PRKCB: variants seen among roughly 807,000 people sequenced by gnomAD.
PRKCB encodes protein kinase C beta, also known as protein kinase C beta type.
PRKCB carries 13 observed loss-of-function variants against 81.5 expected under a neutral mutation model. The observed-to-expected ratio is 0.16, with a 90% CI of 0.10 to 0.25. The LOEUF (loss-of-function observed/expected upper bound fraction) is 0.25. PRKCB is among the 10% of genes least tolerant of loss of function. PRKCB has a pLI of 1.00. For synonymous variants in PRKCB, 335 were observed against 321.4 expected (o/e 1.04, Z -0.45); for missense variants, 509 against 875.7 (o/e 0.58, Z 5.29).
chr16:23,936,946 A>G (rs1295539182), intron 2 of PRKCB, among the ~76,000 whole-genome samples: 1 of 152,140 alleles, frequency 6.6e-6, no homozygotes, highest in Admixed American at 6.5e-5. Flanking sequence ...TAGCGACGGG[A>G]AATTTCACGA....
intron 5 of PRKCB, among the ~76,000 whole-genome samples, chr16:24,045,828 G>A (rs1439733794): frequency 1.3e-5 from 2 of 152,218 alleles, no homozygotes; most frequent in East Asian, 1.9e-4. Context: ...GCAGTGAGAC[G>A]GGAAGAATGT....
intron 3 of PRKCB, among the ~76,000 whole-genome samples, chr16:24,002,926 T>G (rs988864156): frequency 6.6e-6 from 1 of 151,966 alleles, no homozygotes; most frequent in Non-Finnish European, 1.5e-5. Context: ...TGACCTGACC[T>G]CTGGTTGGAC....
rs1968218092 is a variant in PRKCB at position 24,215,757 on chromosome 16, G to A, written c.*941G>A. ...CCTGCTTTGATTTAACCAAGAAGAC[G>A]GCTGCGGAGCCTAGCAGACTCAGGC... On this transcript the variant is annotated 3_prime_UTR_variant, in exon 17 of 17. Coordinates refer to ENST00000643927, the MANE Select transcript of PRKCB (RefSeq NM_002738.7). 2.0e-6 allele frequency: 2 copies of A among 985,746 alleles called. No individual in the cohort carries two copies. Among genetic ancestry groups the A allele is most frequent in the Non-Finnish European group, 2.4e-6 (2 of 829,914 alleles). The allele number at this position is 985,746 out of a possible 1,614,324, so 61.1% of individuals were successfully genotyped here.
chr16:23,936,747 A>G (rs1347168246), intron 2 of PRKCB, among the ~76,000 whole-genome samples: 1 of 152,118 alleles, frequency 6.6e-6, no homozygotes, highest in Non-Finnish European at 1.5e-5. Context: ...GATGTAAAGT[A>G]TGGATAATTC....
intron 2 of PRKCB, among the ~76,000 whole-genome samples, chr16:23,919,011 C>T (rs912497182): frequency 1.7e-4 from 26 of 152,164 alleles, no homozygotes; most frequent in Non-Finnish European, 1.9e-4. Flanking sequence ...TTTCTAGTAT[C>T]CTCTTTAGAA....
chr16:24,004,942 A>AT (rs1407399630), intron 3 of PRKCB, among the ~76,000 whole-genome samples: 3 of 152,192 alleles, frequency 2.0e-5, no homozygotes, highest in Non-Finnish European at 4.4e-5. Context: ...AAATTTGAAA[A>AT]TGACCCAAGT....
At chr16:24,004,628 C>G (rs1025753955) in intron 3 of PRKCB, among the ~76,000 whole-genome samples, 3 of 152,140 alleles carry the variant, frequency 2.0e-5, no homozygotes, top group Non-Finnish European at 4.4e-5. Flanking sequence ...GCACTCCAGC[C>G]TGGGCAACAG....
At chr16:23,940,139 C>T (rs1964120881) in intron 2 of PRKCB, among the ~76,000 whole-genome samples, 1 of 151,958 alleles carries the variant, frequency 6.6e-6, no homozygotes, top group African/African-American at 2.4e-5. Context: ...AAATTAAAAG[C>T]ACAATGAGAT....
intron 2 of PRKCB, among the ~76,000 whole-genome samples, chr16:23,950,093 C>T (rs1964256472): frequency 6.7e-6 from 1 of 148,368 alleles, no homozygotes; most frequent in African/African-American, 2.5e-5. Flanking sequence ...CCACTTCCTC[C>T]TGCTTCTGCC....
intron 7 of PRKCB, among the ~76,000 whole-genome samples, chr16:24,109,355 C>A (rs188536636): frequency 6.1e-4 from 50 of 82,306 alleles, no homozygotes; most frequent in Admixed American, 7.0e-4. Flanking sequence ...CCAGACGGGG[C>A]GGCTGCTAGG....
chr16:24,098,405 T>C (rs1042648299), intron 7 of PRKCB: 1 of 152,280 alleles, frequency 6.6e-6, no homozygotes, highest in South Asian at 2.1e-4. Flanking sequence ...CTGACTGATA[T>C]ACAGGACAAT....
At chr16:24,191,470 T>C in intron 16 of PRKCB, 2 of 419,306 alleles carry the variant, frequency 4.8e-6, no homozygotes, top group Non-Finnish European at 4.2e-6. Flanking sequence ...GTTTCTTCGA[T>C]TCAATTATTG....
intron 13 of PRKCB, among the ~76,000 whole-genome samples, chr16:24,182,873 TTGTGTGTGTG>T (rs10524225): frequency 1.5e-5 from 2 of 133,520 alleles, no homozygotes; most frequent in Non-Finnish European, 3.1e-5. Flanking sequence ...ACATTGTTTC[TTGTGTGTGTG>T]TGTGTGTGTG....
At chr16:23,911,406 G>T (rs1963651379) in intron 2 of PRKCB, among the ~76,000 whole-genome samples, 1 of 151,684 alleles carries the variant, frequency 6.6e-6, no homozygotes, top group Non-Finnish European at 1.5e-5. Context: ...GGGATTACAG[G>T]CATGCGCTAC....
At chr16:24,021,018 T>TTCTTTCTTTCTTTCTTTCTTTTTC in intron 3 of PRKCB, among the ~76,000 whole-genome samples, 1 of 134,636 alleles carries the variant, frequency 7.4e-6, no homozygotes, top group African/African-American at 2.9e-5. Context: ...CTTTCTTTCT[T>TTCTTTCTTTCTTTCTTTCTTTTTC]TCTTTCTTTC....
At chr16:24,084,224 A>G (rs909329506) in intron 5 of PRKCB, among the ~76,000 whole-genome samples, 1 of 152,216 alleles carries the variant, frequency 6.6e-6, no homozygotes. Context: ...TGAGTATCAG[A>G]TACTCCTAGA....
chr16:23,988,737 CTTTT>C, intron 3 of PRKCB, 147 bp downstream of exon 3: 2 of 743,020 alleles, frequency 2.7e-6, no homozygotes, highest in Middle Eastern at 2.7e-4. Flanking sequence ...GACAGTTTTC[CTTTT>C]AGTGGAAAAC....
At chr16:23,865,265 T>TGTGTGTG (rs1962751011) in intron 2 of PRKCB, among the ~76,000 whole-genome samples, 15 of 129,252 alleles carry the variant, frequency 1.2e-4, no homozygotes, top group African/African-American at 3.8e-4. Flanking sequence ...TCTGTTTTGT[T>TGTGTGTG]TGTGTGTGTG....
intron 9 of PRKCB, among the ~76,000 whole-genome samples, chr16:24,148,396 G>A (rs1967025583): frequency 6.6e-6 from 1 of 152,082 alleles, no homozygotes; most frequent in South Asian, 2.1e-4. Context: ...GCTTCATGAG[G>A]GCAGGAACCT....
Sources: allele counts gnomAD v4.1 joint callset (sites outside exome capture counted in the v4.1 genomes callset), GRCh38; gene constraint gnomAD v4.1.1; transcripts MANE v1.5; gene names NCBI Gene and HGNC (gene_info 2026-07-23, HGNC 2026-07-21).